The following PLD5 variants were observed in gnomAD, a reference collection of about 807,000 sequenced individuals.
PLD5 encodes the protein inactive phospholipase D5.
A neutral mutation model predicts 61.1 loss-of-function variants in PLD5; 36 were observed. That is an observed-to-expected ratio of 0.59 (90% confidence interval 0.45 to 0.78). PLD5 has a LOEUF of 0.78. Ranked by LOEUF, PLD5 falls within the 30% of genes least tolerant of loss-of-function variation. The probability of loss-of-function intolerance (pLI) is 0.00; values close to 1 mark genes in which losing one functional copy is unlikely to be tolerated. For missense variants in PLD5, 515 were observed against 644.4 expected (o/e 0.80, Z 2.17); for synonymous variants, 243 against 242.8 (o/e 1.00, Z -0.01).
chr1:242,394,280 GTATATATA>G (rs200059886), intron 1 of PLD5, among the ~76,000 whole-genome samples: 1 of 93,126 alleles, frequency 1.1e-5, no homozygotes, highest in East Asian at 2.8e-4. Context: ...ATATATATGT[GTATATATA>G]TGAGTATATA....
At chr1:242,424,670 A>G (rs576046178) in intron 1 of PLD5, among the ~76,000 whole-genome samples, 6 of 152,238 alleles carry the variant, frequency 3.9e-5, no homozygotes, top group Admixed American at 1.3e-4. Context: ...GTCCACTGTC[A>G]TGGCCTTCGT....
intron 1 of PLD5, among the ~76,000 whole-genome samples, chr1:242,409,603 C>A (rs1485796474): frequency 6.6e-6 from 1 of 152,040 alleles, no homozygotes; most frequent in South Asian, 2.1e-4. Context: ...AAGAAGCTCC[C>A]CCATACAGAG....
At chr1:242,431,894 T>C (rs774163508) in intron 1 of PLD5, among the ~76,000 whole-genome samples, 83 of 152,214 alleles carry the variant, frequency 5.5e-4, no homozygotes, top group Non-Finnish European at 6.6e-4. Flanking sequence ...TGCACTGTTG[T>C]TCACTTAAGT....
intron 1 of PLD5, among the ~76,000 whole-genome samples, chr1:242,495,199 A>G (rs1382773460): frequency 6.6e-6 from 1 of 152,118 alleles, no homozygotes; most frequent in Non-Finnish European, 1.5e-5. Flanking sequence ...TCTAATTGAC[A>G]AAGTCCTCTC....
At chr1:242,222,658 AAG>A in intron 4 of PLD5, among the ~76,000 whole-genome samples, 1 of 152,210 alleles carries the variant, frequency 6.6e-6, no homozygotes, top group Middle Eastern at 3.4e-3. Flanking sequence ...CCCCAGCCCC[AAG>A]GCAGCACTGA....
intron 1 of PLD5, among the ~76,000 whole-genome samples, chr1:242,499,945 G>C (rs764443580): frequency 9.2e-5 from 14 of 152,130 alleles, no homozygotes; most frequent in Admixed American, 6.5e-5. Context: ...ATGACCAAAC[G>C]GGGGCTCAAC....
chr1:242,301,470 C>T (rs1299528013), intron 2 of PLD5, among the ~76,000 whole-genome samples: 1 of 151,928 alleles, frequency 6.6e-6, no homozygotes, highest in East Asian at 1.9e-4. Context: ...TCTGTCTCCC[C>T]CATTTGCCTA....
chr1:242,346,490 G>A (rs914766209), intron 2 of PLD5, among the ~76,000 whole-genome samples: 5 of 152,068 alleles, frequency 3.3e-5, no homozygotes, highest in African/African-American at 9.7e-5. Flanking sequence ...ATGAGTCATG[G>A]GCCCCTTGTC....
chr1:242,393,844 G>A (rs999659674), intron 1 of PLD5, among the ~76,000 whole-genome samples: 3 of 147,668 alleles, frequency 2.0e-5, no homozygotes, highest in Non-Finnish European at 4.5e-5. Context: ...TGGATTACCT[G>A]AAGTCAGGAG....
In PLD5 at chr1:242,284,119, CTTTTTTTTTTTTTTT is replaced by C. The variant is rs565165218; in HGVS notation, c.495+4228_495+4242del. Among the ~76,000 whole-genome samples, 530 of 75,938 alleles carry C rather than the reference CTTTTTTTTTTTTTTT, an allele frequency of 7.0e-3. 4 individuals carry two copies. The highest frequency in any genetic ancestry group is 0.028 in the African/African-American group (496 of 17,816). The allele number at this position is 75,938 out of a possible 152,430, so 49.8% of individuals were successfully genotyped here. On this transcript the variant is annotated intron_variant, in intron 3 of 9. Transcript: ENST00000536534. ...TCTAAAAATAATCTTTTTCTTTTTC[CTTTTTTTTTTTTTTT>C]TTTTTTTTTTTTTTTTATAGATACA...
chr1:242,526,610 A>T (rs1296620253), upstream of PLD5, among the ~76,000 whole-genome samples: 1 of 151,968 alleles, frequency 6.6e-6, no homozygotes, highest in East Asian at 1.9e-4. Flanking sequence ...TAATTTTTGT[A>T]CTTTTAGTGG....
At chr1:242,366,755 T>C (rs1197838976) in intron 1 of PLD5, among the ~76,000 whole-genome samples, 1 of 152,168 alleles carries the variant, frequency 6.6e-6, no homozygotes, top group Non-Finnish European at 1.5e-5. Flanking sequence ...CTCCTTGAGT[T>C]CTAGGATCTT....
rs370159740 is a variant in PLD5, at chr1:242,272,375, T to C, written c.496-6927A>G. 2.0e-4 allele frequency among the ~76,000 whole-genome samples: 31 copies of C among 152,290 alleles called. No individual in the cohort carries two copies. In the East Asian group the frequency reaches 5.4e-3, roughly 27 times the overall value. ...AACAAATGAGACTATATAAAAATTA[T>C]ATATTATCAATAAACTTGATTATAT... is the stretch of plus-strand genomic sequence containing the variant. On this transcript the variant is annotated intron_variant, in intron 3 of 9. Coordinates refer to ENST00000536534, the MANE Select transcript of PLD5 (RefSeq NM_001372062.1).
chr1:242,403,418 G>A (rs546202471), intron 1 of PLD5, among the ~76,000 whole-genome samples: 1 of 151,762 alleles, frequency 6.6e-6, no homozygotes, highest in Admixed American at 6.6e-5. Context: ...TCCATCTAAG[G>A]AGACAGGCGG....
intron 8 of PLD5, among the ~76,000 whole-genome samples, chr1:242,106,946 G>A (rs757156658): frequency 6.6e-6 from 1 of 152,178 alleles, no homozygotes; most frequent in Non-Finnish European, 1.5e-5. Context: ...GAGGACTGGA[G>A]TAGAGTCAAA....
chr1:242,104,247 C>G (rs1574300798), intron 8 of PLD5, among the ~76,000 whole-genome samples: 1 of 149,874 alleles, frequency 6.7e-6, no homozygotes, highest in Admixed American at 6.7e-5. Flanking sequence ...CTCCTGAGTC[C>G]TGAGTCCCTA....
chr1:242,191,754 C>T (rs1045631197), intron 5 of PLD5, among the ~76,000 whole-genome samples: 1 of 150,984 alleles, frequency 6.6e-6, no homozygotes, highest in South Asian at 2.1e-4. Flanking sequence ...GGAGAAAATG[C>T]AGACAGGACT....
rs1424953340 is a variant in PLD5, at chr1:242,207,815, T to TA, written c.735+12172_735+12173insT. Reference sequence around the variant, plus strand: ...TTATATATATTTATATATATTTATATTTATATATTTATATATATTTATATA... The same window carrying TA: ...TTATATATATTTATATATATTTATATATTATATATTTATATATATTTATATA... On this transcript the variant is annotated intron_variant, in intron 5 of 9. Transcript: ENST00000536534. Among the ~76,000 whole-genome samples the TA allele has an allele frequency of 6.5e-3, 429 of 65,506 alleles. 33 individuals are homozygous for TA. Among genetic ancestry groups the TA allele is most frequent in the African/African-American group, 0.012 (150 of 12,530 alleles). The allele number at this position is 65,506 out of a possible 152,430, so 43.0% of individuals were successfully genotyped here.
chr1:242,112,594 A>G lies in PLD5; in HGVS notation c.1070+1296T>C, dbSNP rs1661615935. ...GCTTTTCTACTAGCTGTTATAAGAA[A>G]TGATCATTTTCTGGGGGAAGGACTC... On this transcript the variant is annotated intron_variant, in intron 7 of 9. Coordinates refer to ENST00000536534, the MANE Select transcript of PLD5 (RefSeq NM_001372062.1). 2.0e-5 allele frequency among the ~76,000 whole-genome samples: 3 copies of G among 152,202 alleles called. No individual in the cohort carries two copies. In the South Asian group the frequency reaches 6.2e-4, roughly 31 times the overall value.
Sources: allele counts gnomAD v4.1 joint callset (sites outside exome capture counted in the v4.1 genomes callset), GRCh38; gene constraint gnomAD v4.1.1; transcripts MANE v1.5; gene names NCBI Gene and HGNC (gene_info 2026-07-23, HGNC 2026-07-21).